Variants in ZNF608 observed in about 807,000 individuals in gnomAD.
The protein encoded by ZNF608 is zinc finger protein 608.
In ZNF608, 12 loss-of-function variants were observed where a neutral mutation model predicts 109.0. The ratio of observed to expected loss-of-function variants is 0.11; its 90% CI spans 0.07 to 0.18. ZNF608 has a LOEUF of 0.18. Ranked by LOEUF, ZNF608 falls within the 10% of genes least tolerant of loss-of-function variation. ZNF608 has a pLI of 1.00. For synonymous variants in ZNF608, 732 were observed against 717.4 expected, an observed-to-expected ratio of 1.02 and a Z score of -0.33; for missense variants, 1,707 against 1,879.3, an observed-to-expected ratio of 0.91 and a Z score of 1.70.
chr5:124,668,197 T>TAC (rs1561547610), intron 3 of ZNF608, among the ~76,000 whole-genome samples: 1 of 5,642 alleles, frequency 1.8e-4, no homozygotes, highest in Non-Finnish European at 3.7e-4. Context: ...TGCTTAAAAA[T>TAC]ATATATATAT....
At position 124,646,799 on chromosome 5, in the gene ZNF608, G is replaced by A. The variant is rs754289207; in HGVS notation, c.3585C>T (p.Ala1195=). 15 of 1,614,066 alleles carry A rather than the reference G, an allele frequency of 9.3e-6. No homozygotes were observed. The highest frequency in any genetic ancestry group is 2.2e-5 in the East Asian group (1 of 44,894). ...LLSNHQQQLQ[A]DSFKAKQMEN... ...CCATCTGCTTAGCTTTGAAGCTGTC[G>A]GCCTGAAGCTGCTGCTGGTGATTGG... The change falls in exon 5 of 10, where the codon GCC becomes GCT. Residue 1195 remains alanine, a synonymous_variant. Coordinates refer to ENST00000513986, the MANE Select transcript of ZNF608 (RefSeq NM_020747.3).
At position 124,709,792 on chromosome 5, in the gene ZNF608, C is replaced by A. The variant is rs1561575807; in HGVS notation, c.907-8523G>T. On this transcript the variant is annotated intron_variant, in intron 2 of 9. Transcript: ENST00000513986. ...TCCTCTCATCCCATTTCCAAAGACA[C>A]TTAAAGCACAAAAATAAGCCACAAA... is the stretch of plus-strand genomic sequence containing the variant. Among the ~76,000 whole-genome samples, 3 of 152,168 alleles carry A rather than the reference C, an allele frequency of 2.0e-5. No homozygotes were observed. In the South Asian group the frequency reaches 6.2e-4, roughly 32 times the overall value.
chr5:124,694,134 C>G (rs1752741152), intron 3 of ZNF608, among the ~76,000 whole-genome samples: 1 of 132,252 alleles, frequency 7.6e-6, no homozygotes, highest in Non-Finnish European at 1.6e-5. Context: ...CGCCACCACG[C>G]TCGGCTAATT....
At position 124,745,186 on chromosome 5, in the gene ZNF608, G is replaced by T. The variant is rs920774630; in HGVS notation, c.-183-14C>A. 3 of 1,403,030 alleles carry T rather than the reference G, an allele frequency of 2.1e-6. No individual in the cohort carries two copies. Among genetic ancestry groups the T allele is most frequent in the African/African-American group, 1.5e-5 (1 of 68,914 alleles). The allele number at this position is 1,403,030 out of a possible 1,614,324, so 86.9% of individuals were successfully genotyped here. On this transcript the variant is annotated splice_polypyrimidine_tract_variant and intron_variant, in intron 1 of 9. Coordinates refer to ENST00000513986, the MANE Select transcript of ZNF608 (RefSeq NM_020747.3). Reference sequence around the variant, plus strand: ...GTCCACCTTTTCCTGTGAAGGGGGGGGGAAAAGTCGAATATTTCTTGTCTG... The same window carrying T: ...GTCCACCTTTTCCTGTGAAGGGGGGTGGAAAAGTCGAATATTTCTTGTCTG...
chr5:124,737,906 C>T lies in ZNF608; in HGVS notation c.906+6178G>A, dbSNP rs145048549. The stretch of plus-strand genomic sequence containing the variant: ...AACCTTGAGCTTAAATTAAAAAGAA[C>T]TTGTGACAGGGAGCAAGTAGTCACT... On this transcript the variant is annotated intron_variant, in intron 2 of 9. Transcript: ENST00000513986. 4.9e-3 allele frequency among the ~76,000 whole-genome samples: 747 copies of T among 152,300 alleles called. 1 individual carries two copies. The highest frequency in any genetic ancestry group is 0.017 in the Middle Eastern group (5 of 294).
chr5:124,721,248 G>A (rs7727239), intron 2 of ZNF608, among the ~76,000 whole-genome samples: 26,454 of 152,122 alleles, frequency 0.17, 2,630 homozygotes, highest in Admixed American at 0.27. Context: ...TTTTGCCAAC[G>A]ATCTCTACAT....
At chr5:124,657,143 A>G (rs971711280) in intron 3 of ZNF608, among the ~76,000 whole-genome samples, 1 of 152,154 alleles carries the variant, frequency 6.6e-6, no homozygotes, top group Non-Finnish European at 1.5e-5. Context: ...TCCCACTTCT[A>G]GAAGATACAA....
At chr5:124,741,165 G>A (rs1005774309) in intron 2 of ZNF608, among the ~76,000 whole-genome samples, 1 of 152,094 alleles carries the variant, frequency 6.6e-6, no homozygotes, top group Non-Finnish European at 1.5e-5. Flanking sequence ...TTTTGTTCAC[G>A]TATTAAGGGA....
At chr5:124,656,515 C>T (rs985811252) in intron 3 of ZNF608, among the ~76,000 whole-genome samples, 2 of 151,986 alleles carry the variant, frequency 1.3e-5, no homozygotes, top group African/African-American at 4.8e-5. Context: ...AGGGTAGTTA[C>T]GATTCTTGGT....
chr5:124,664,147 T>G (rs1751383841), intron 3 of ZNF608, among the ~76,000 whole-genome samples: 1 of 152,144 alleles, frequency 6.6e-6, no homozygotes, highest in Non-Finnish European at 1.5e-5. Flanking sequence ...CTTTCTTGAG[T>G]CGTCCTATTT....
At chr5:124,638,402 G>A (rs948609674) in intron 9 of ZNF608, among the ~76,000 whole-genome samples, 4 of 151,900 alleles carry the variant, frequency 2.6e-5, no homozygotes, top group Admixed American at 6.6e-5. Flanking sequence ...AATTACAGAC[G>A]CACACCACCA....
rs745808108 is a variant in ZNF608 at position 124,745,031 on chromosome 5, T to C, written c.-42A>G. 1 of 1,548,032 alleles carries C rather than the reference T, an allele frequency of 6.5e-7. No individual in the cohort carries two copies. The highest frequency in any genetic ancestry group is 2.0e-5 in the Admixed American group (1 of 50,852). On this transcript the variant is annotated 5_prime_UTR_variant, in exon 2 of 10. Coordinates refer to ENST00000513986, the MANE Select transcript of ZNF608 (RefSeq NM_020747.3). ...CTAGAATAAAAATCCGATGAACTTT[T>C]CTTTGGAGATGAGGGGACATTCGTT...
chr5:124,682,656 A>G (rs140141935), intron 3 of ZNF608, among the ~76,000 whole-genome samples: 3 of 152,372 alleles, frequency 2.0e-5, no homozygotes, highest in Admixed American at 2.0e-4. Flanking sequence ...AGCAATTTAT[A>G]ATTCTGGCAT....
chr5:124,744,298 G>T lies in ZNF608; in HGVS notation c.692C>A (p.Ser231Tyr). ...CCCAAAGCCATAGAGGTGCCCCCCG[G>T]AAGGGGCCTGGCTGCCACTGCCATT... ...HQNGSGSQAP[S>Y]GGHLYGFGAK... Residue 231 changes from serine (S) to tyrosine (Y), a missense_variant, in exon 2 of 10, where the codon TCC becomes TAC. Coordinates refer to ENST00000513986, the MANE Select transcript of ZNF608 (RefSeq NM_020747.3). The surrounding 1 kb of genome is among the most constrained non-coding windows in gnomAD (Gnocchi z 4.5). 1 of 1,614,076 alleles carries T rather than the reference G, an allele frequency of 6.2e-7. No homozygotes were observed. Among genetic ancestry groups the T allele is most frequent in the Non-Finnish European group, 8.5e-7 (1 of 1,180,014 alleles).
At chr5:124,667,570 A>C (rs1751530431) in intron 3 of ZNF608, among the ~76,000 whole-genome samples, 1 of 152,228 alleles carries the variant, frequency 6.6e-6, no homozygotes, top group African/African-American at 2.4e-5. Context: ...TATAGACAGC[A>C]TGCTGGCATG....
At chr5:124,686,792 CA>C (rs1274096345) in intron 3 of ZNF608, among the ~76,000 whole-genome samples, 1 of 152,210 alleles carries the variant, frequency 6.6e-6, no homozygotes, top group Non-Finnish European at 1.5e-5. Flanking sequence ...AAGACATCCA[CA>C]AGACAGTATA....
At chr5:124,709,986 G>A (rs1301160586) in intron 2 of ZNF608, among the ~76,000 whole-genome samples, 1 of 152,178 alleles carries the variant, frequency 6.6e-6, no homozygotes, top group African/African-American at 2.4e-5. Flanking sequence ...TAAAAAGAAA[G>A]TTCAGTGGTA....
At chr5:124,651,871 C>T (rs954057118) in intron 3 of ZNF608, among the ~76,000 whole-genome samples, 5 of 152,358 alleles carry the variant, frequency 3.3e-5, no homozygotes, top group African/African-American at 1.2e-4. Context: ...GCTGGCCGTG[C>T]GGGGCTAGAG....
intron 2 of ZNF608, among the ~76,000 whole-genome samples, chr5:124,731,038 C>T (rs1321431235): frequency 1.3e-5 from 2 of 152,184 alleles, no homozygotes; most frequent in Non-Finnish European, 2.9e-5. Context: ...TATCTTTGCA[C>T]TTTTGTTTTG....
Sources: gnomAD v4.1 joint callset for allele counts (sites outside exome capture counted in the v4.1 genomes callset) on GRCh38, gnomAD v4.1.1 for gene constraint, Gnocchi (gnomAD v3.1) non-coding constraint, MANE v1.5 for transcripts, NCBI Gene and HGNC (gene_info 2026-07-23, HGNC 2026-07-21) for gene names.